DOCK1: variants seen among roughly 807,000 people sequenced by gnomAD.
DOCK1 encodes dedicator of cytokinesis protein 1.
A neutral mutation model predicts 262.7 loss-of-function variants in DOCK1; 138 were observed. That is an observed-to-expected ratio of 0.53 (90% confidence interval 0.46 to 0.61). The LOEUF is 0.61. Ranked by LOEUF, DOCK1 falls within the 20% of genes least tolerant of loss-of-function variation. DOCK1 has a pLI of 0.00. For synonymous variants in DOCK1, 866 were observed against 867.4 expected (o/e 1.00, Z 0.03); for missense variants, 1,908 against 2,370.7 (o/e 0.80, Z 4.05).
Position 127,052,745 on chromosome 10 carries a change from C to A in DOCK1, c.2266C>A (p.Leu756Met). ...GAEKPGVNEQLYKAMKALESI... is the reference protein window; with the variant it reads ...GAEKPGVNEQMYKAMKALESI... Reference sequence around the variant, plus strand: ...TGAGAAGCCGGGAGTAAATGAGCAGCTGTACAAAGCCATGAAAGCGCTAGA... The same window carrying A: ...TGAGAAGCCGGGAGTAAATGAGCAGATGTACAAAGCCATGAAAGCGCTAGA... The change falls in exon 22 of 52, where the codon CTG (leucine) becomes ATG (methionine). Residue 756 changes from leucine to methionine, a missense_variant. By Grantham distance (15) the Leu-to-Met change is conservative. Transcript: ENST00000623213. The A allele has an allele frequency of 3.1e-6, 5 of 1,613,922 alleles. No individual in the cohort carries two copies. Among genetic ancestry groups the A allele is most frequent in the Non-Finnish European group, 4.2e-6 (5 of 1,179,874 alleles).
intron 10 of DOCK1, among the ~76,000 whole-genome samples, chr10:127,002,030 T>C (rs2040631512): frequency 6.6e-6 from 1 of 152,252 alleles, no homozygotes. Flanking sequence ...TTTCATGTCA[T>C]GACTTGAATA....
At chr10:127,123,558 A>G (rs919883468) in intron 25 of DOCK1, among the ~76,000 whole-genome samples, 4 of 152,228 alleles carry the variant, frequency 2.6e-5, no homozygotes, top group African/African-American at 9.6e-5. Context: ...CAGCAGCTCA[A>G]GAGTCACTAA....
intron 30 of DOCK1, among the ~76,000 whole-genome samples, chr10:127,341,206 T>C (rs2063410411): frequency 6.6e-6 from 1 of 152,208 alleles, no homozygotes; most frequent in Admixed American, 6.5e-5. Context: ...AGATGACTCT[T>C]TCCCCAATGA....
chr10:126,977,339 A>G (rs1376831395), intron 2 of DOCK1, among the ~76,000 whole-genome samples: 2 of 152,134 alleles, frequency 1.3e-5, no homozygotes, highest in African/African-American at 2.4e-5. Flanking sequence ...GCCACTTGGA[A>G]GGAGCGAGAA....
intron 46 of DOCK1, among the ~76,000 whole-genome samples, chr10:127,421,170 T>A (rs1197088233): frequency 6.6e-6 from 1 of 152,048 alleles, no homozygotes; most frequent in Non-Finnish European, 1.5e-5. Context: ...CCGCCCACCT[T>A]GGCCTAAGTG....
intron 1 of DOCK1, among the ~76,000 whole-genome samples, chr10:126,966,502 C>T (rs2037688801): frequency 6.6e-6 from 1 of 152,018 alleles, no homozygotes; most frequent in South Asian, 2.1e-4. Flanking sequence ...TGGCATATTC[C>T]CACCGAGTGT....
At chr10:127,004,574 C>T (rs559732526) in intron 10 of DOCK1, among the ~76,000 whole-genome samples, 20 of 151,954 alleles carry the variant, frequency 1.3e-4, no homozygotes, top group African/African-American at 4.6e-4. Context: ...GGCAAAACCT[C>T]GTCTCTACTA....
At chr10:126,988,774 T>C (rs2039586825) in intron 5 of DOCK1, among the ~76,000 whole-genome samples, 1 of 152,208 alleles carries the variant, frequency 6.6e-6, no homozygotes, top group Non-Finnish European at 1.5e-5. Flanking sequence ...CCAAAATGGC[T>C]ATAATATTTT....
chr10:127,303,079 A>G (rs888555202), intron 29 of DOCK1, among the ~76,000 whole-genome samples: 1 of 152,184 alleles, frequency 6.6e-6, no homozygotes, highest in Admixed American at 6.5e-5. Flanking sequence ...GATAAAGAAG[A>G]TTTTACTCAG....
intron 46 of DOCK1, among the ~76,000 whole-genome samples, chr10:127,420,415 G>A (rs796876794): frequency 2.9e-4 from 44 of 152,124 alleles, no homozygotes; most frequent in African/African-American, 9.2e-4. Flanking sequence ...GTCCTCACAA[G>A]AGCTTGGCCG....
chr10:126,941,783 CA>C (rs1328886302), intron 1 of DOCK1, among the ~76,000 whole-genome samples: 4 of 150,988 alleles, frequency 2.6e-5, no homozygotes, highest in African/African-American at 9.7e-5. Flanking sequence ...CAAAACAAAA[CA>C]AAAAAAACAG....
chr10:127,375,956 A>G (rs1450819527), intron 35 of DOCK1, among the ~76,000 whole-genome samples: 2 of 152,208 alleles, frequency 1.3e-5, no homozygotes, highest in South Asian at 2.1e-4. Context: ...AGAACCACAG[A>G]GTGGAAGCCC....
At chr10:126,989,385 G>A (rs2039639875) in intron 5 of DOCK1, among the ~76,000 whole-genome samples, 1 of 152,074 alleles carries the variant, frequency 6.6e-6, no homozygotes, top group Non-Finnish European at 1.5e-5. Flanking sequence ...AGATTGCAGT[G>A]GCATGATCAC....
chr10:126,928,681 T>G (rs1165309984), intron 1 of DOCK1, among the ~76,000 whole-genome samples: 3 of 152,208 alleles, frequency 2.0e-5, no homozygotes, highest in Non-Finnish European at 4.4e-5. Context: ...ATGTCCTTGT[T>G]AAGAAGAGGA....
rs2134893335 is a variant in DOCK1, at chr10:127,451,863, T to A, written c.*436T>A. On this transcript the variant is annotated 3_prime_UTR_variant, in exon 52 of 52. Transcript: ENST00000623213. ...GAATCCTCCTCACTGTCATGGGATGTTGTATCCAGCCCCTCCTTGTTCCAG... is the reference window on the plus strand; with the variant it reads ...GAATCCTCCTCACTGTCATGGGATGATGTATCCAGCCCCTCCTTGTTCCAG... The A allele has an allele frequency of 5.5e-6, 1 of 182,030 alleles. No homozygotes were observed. Among genetic ancestry groups the A allele is most frequent in the African/African-American group, 2.4e-5 (1 of 42,296 alleles). 11.3% of individuals were successfully genotyped at this position (182,030 alleles called of 1,614,324 possible). A position where few individuals can be genotyped will look rare whatever the true frequency, so the allele number is the denominator to read the frequency against.
intron 27 of DOCK1, among the ~76,000 whole-genome samples, chr10:127,143,428 G>A (rs1303253548): frequency 6.6e-6 from 1 of 152,182 alleles, no homozygotes; most frequent in African/African-American, 2.4e-5. Flanking sequence ...CTACCACTGT[G>A]GATAAATCAC....
chr10:127,277,583 C>A (rs1428655770), intron 29 of DOCK1, among the ~76,000 whole-genome samples: 1 of 152,086 alleles, frequency 6.6e-6, no homozygotes, highest in African/African-American at 2.4e-5. Context: ...TATGGTGAAA[C>A]CTCGTCTCTA....
chr10:126,945,354 T>A (rs2035310175), intron 1 of DOCK1, among the ~76,000 whole-genome samples: 1 of 151,774 alleles, frequency 6.6e-6, no homozygotes, highest in Non-Finnish European at 1.5e-5. Flanking sequence ...CGTGGGCCTC[T>A]CCATAGGGGC....
intron 51 of DOCK1, among the ~76,000 whole-genome samples, chr10:127,448,876 G>T (rs1446958156): frequency 2.7e-5 from 4 of 150,240 alleles, no homozygotes; most frequent in African/African-American, 9.8e-5. Context: ...TTTTAATGGA[G>T]ACTCGTTGAC....
Sources: allele counts gnomAD v4.1 joint callset (sites outside exome capture counted in the v4.1 genomes callset), GRCh38; gene constraint gnomAD v4.1.1; transcripts MANE v1.5; gene names NCBI Gene and HGNC (gene_info 2026-07-23, HGNC 2026-07-21).